The following TUSC3 variants were observed in gnomAD, a reference collection of about 807,000 sequenced individuals.
The protein encoded by TUSC3 is tumor suppressor candidate 3.
TUSC3 carries 45 observed loss-of-function variants against 44.8 expected under a neutral mutation model. The observed-to-expected ratio is 1.00, with a 90% CI of 0.79 to 1.29. The LOEUF is 1.29. TUSC3 is among the 50% of genes most tolerant of loss of function. TUSC3 has a pLI of 0.00. For synonymous variants in TUSC3, 212 were observed against 152.9 expected (o/e 1.39, Z -2.85); for missense variants, 519 against 437.9 (o/e 1.19, Z -1.65).
At chr8:15,582,563 C>T (rs1477998925) in intron 1 of TUSC3, among the ~76,000 whole-genome samples, 1 of 152,042 alleles carries the variant, frequency 6.6e-6, no homozygotes, top group South Asian at 2.1e-4. Context: ...ATTAAAGGTC[C>T]TATAAATAAC....
At chr8:15,654,078 G>A (rs1425590768) in intron 3 of TUSC3, among the ~76,000 whole-genome samples, 1 of 152,090 alleles carries the variant, frequency 6.6e-6, no homozygotes, top group East Asian at 1.9e-4. Context: ...GTAGCCCTGG[G>A]GAATTGGGCA....
At chr8:15,518,806 A>C (rs1215260750) in intron 2 of TUSC3, among the ~76,000 whole-genome samples, 4 of 152,180 alleles carry the variant, frequency 2.6e-5, no homozygotes, top group Non-Finnish European at 5.9e-5. Context: ...GTTTTTATAG[A>C]ATTAAACACA....
chr8:15,440,539 G>A (rs1800007536), intron 1 of TUSC3, among the ~76,000 whole-genome samples: 3 of 152,190 alleles, frequency 2.0e-5, no homozygotes, highest in Admixed American at 2.0e-4. Context: ...GGGGCCAGAG[G>A]AGAATCAAAC....
chr8:15,638,732 G>C (rs1806213312), intron 2 of TUSC3, among the ~76,000 whole-genome samples: 1 of 151,954 alleles, frequency 6.6e-6, no homozygotes, highest in Non-Finnish European at 1.5e-5. Flanking sequence ...CACCATGTTG[G>C]CCAGGCTGGT....
At chr8:15,755,326 A>G (rs541945702) in intron 9 of TUSC3, among the ~76,000 whole-genome samples, 2 of 152,308 alleles carry the variant, frequency 1.3e-5, no homozygotes, top group Non-Finnish European at 2.9e-5. Context: ...TGCCTGGTAC[A>G]TAGTACTGAT....
intron 1 of TUSC3, among the ~76,000 whole-genome samples, chr8:15,464,300 C>G (rs1054568886): frequency 2.0e-5 from 3 of 152,114 alleles, no homozygotes; most frequent in African/African-American, 7.2e-5. Context: ...AGGATGAATC[C>G]AAGCCCTGAG....
chr8:15,554,067 AC>A (rs1037310576), intron 1 of TUSC3, among the ~76,000 whole-genome samples: 2 of 151,200 alleles, frequency 1.3e-5, no homozygotes, highest in Non-Finnish European at 3.0e-5. Context: ...GGTGAGGCCC[AC>A]TTTCTCGGAG....
At chr8:15,662,080 T>G (rs1203741969) in intron 4 of TUSC3, 76 bp from the exon 5 acceptor site, 6 of 1,537,810 alleles carry the variant, frequency 3.9e-6, no homozygotes, top group Non-Finnish European at 5.4e-6. Context: ...CGTTGAAAAT[T>G]ATGAGGACTA....
intron 4 of TUSC3, among the ~76,000 whole-genome samples, chr8:15,661,889 C>G (rs373998748): frequency 1.6e-4 from 25 of 151,856 alleles, no homozygotes; most frequent in Non-Finnish European, 1.6e-4. Context: ...GGCATTTCTT[C>G]ATGGAAAATA....
intron 6 of TUSC3, among the ~76,000 whole-genome samples, chr8:15,674,521 G>GAAT (rs2129183708): frequency 6.6e-6 from 1 of 152,004 alleles, no homozygotes; most frequent in South Asian, 2.1e-4. Flanking sequence ...CGTATTTTGA[G>GAAT]AATAATATAA....
the TUSC3 span, among the ~76,000 whole-genome samples, chr8:15,817,781 G>A: frequency 6.6e-6 from 1 of 152,132 alleles, no homozygotes; most frequent in Non-Finnish European, 1.5e-5. Context: ...CAGTGTGACA[G>A]CAGACTAATA....
chr8:15,561,404 A>G lies in TUSC3; in HGVS notation c.138+20836A>G, dbSNP rs372034180. 3.8e-3 allele frequency among the ~76,000 whole-genome samples: 479 copies of G among 127,102 alleles called. 52 individuals carry two copies. The highest frequency in any genetic ancestry group is 0.034 in the Admixed American group (428 of 12,720). The allele number at this position is 127,102 out of a possible 152,430, so 83.4% of individuals were successfully genotyped here. A position where few individuals can be genotyped will look rare whatever the true frequency, so the allele number is the denominator to read the frequency against. On this transcript the variant is annotated intron_variant, in intron 1 of 10. Transcript: ENST00000503731. ...GTGCTGGGAGAACCACTGCTCTCTT[A>G]AAAGCTGTCAGACAGGGACATTTAA...
intron 1 of TUSC3, among the ~76,000 whole-genome samples, chr8:15,606,812 G>A (rs1804547530): frequency 1.3e-5 from 2 of 152,020 alleles, no homozygotes; most frequent in African/African-American, 4.8e-5. Context: ...AGCTTCGTAT[G>A]TATTATAAAT....
chr8:15,843,118 A>G, the TUSC3 span, among the ~76,000 whole-genome samples: 6 of 152,188 alleles, frequency 3.9e-5, no homozygotes, highest in African/African-American at 7.2e-5. Flanking sequence ...ATTTACTCTT[A>G]TGATCTCTTC....
chr8:15,521,077 T>C (rs1801291128), intron 2 of TUSC3, among the ~76,000 whole-genome samples: 1 of 152,198 alleles, frequency 6.6e-6, no homozygotes, highest in African/African-American at 2.4e-5. Context: ...TATTAGGACT[T>C]ACATACAGGG....
upstream of TUSC3, among the ~76,000 whole-genome samples, chr8:15,536,447 C>A (rs182045719): frequency 7.4e-4 from 112 of 151,870 alleles, no homozygotes; most frequent in African/African-American, 2.6e-3. Flanking sequence ...TTTGGGATGC[C>A]GAGGTGGGTG....
chr8:15,432,971 T>C (rs1585786502), intron 1 of TUSC3, among the ~76,000 whole-genome samples: 1 of 152,278 alleles, frequency 6.6e-6, no homozygotes, highest in Middle Eastern at 3.4e-3. Context: ...TATTTCAAAA[T>C]GGTTTCTTTT....
the TUSC3 span, among the ~76,000 whole-genome samples, chr8:15,817,687 A>C: frequency 6.6e-6 from 1 of 152,186 alleles, no homozygotes; most frequent in Admixed American, 6.5e-5. Flanking sequence ...AAGTTGCCCA[A>C]GGCCTCCCAA....
intron 6 of TUSC3, among the ~76,000 whole-genome samples, chr8:15,695,999 G>C (rs1297387393): frequency 6.6e-6 from 1 of 152,178 alleles, no homozygotes; most frequent in Admixed American, 6.5e-5. Flanking sequence ...CAAGGAGATA[G>C]AAGAGAAAAA....
Sources: gnomAD v4.1 joint callset for allele counts (sites outside exome capture counted in the v4.1 genomes callset) on GRCh38, gnomAD v4.1.1 for gene constraint, MANE v1.5 for transcripts, NCBI Gene and HGNC (gene_info 2026-07-23, HGNC 2026-07-21) for gene names.